ZNF639: variants seen among roughly 807,000 people sequenced by gnomAD.
ZNF639 encodes the protein zinc finger protein 639.
A neutral mutation model predicts 39.8 loss-of-function variants in ZNF639; 20 were observed. The observed-to-expected ratio is 0.50, with a 90% CI of 0.35 to 0.73. The LOEUF (loss-of-function observed/expected upper bound fraction) is 0.73, where lower values mean the gene tolerates loss of function less well. ZNF639 is among the 30% of genes least tolerant of loss of function. The pLI is 0.00. For synonymous variants in ZNF639, 176 were observed against 189.8 expected (o/e 0.93, Z 0.60); for missense variants, 477 against 566.2 (o/e 0.84, Z 1.60).
At chr3:179,326,111 A>C (rs1263664786) in intron 1 of ZNF639, among the ~76,000 whole-genome samples, 1 of 152,066 alleles carries the variant, frequency 6.6e-6, no homozygotes, top group Non-Finnish European at 1.5e-5. Context: ...TGGGCGGATC[A>C]CTTGAGGTCA....
At position 179,336,503 on chromosome 3, in the gene ZNF639, C is replaced by T. The variant is rs185824599; in HGVS notation, c.*2081C>T. 3 of 152,336 alleles carry T rather than the reference C, an allele frequency of 2.0e-5. No individual in the cohort carries two copies. The East Asian group carries it at 5.8e-4, about 29-fold the overall frequency. The allele number at this position is 152,336 out of a possible 1,614,324, so 9.4% of individuals were successfully genotyped here. On this transcript the variant is annotated 3_prime_UTR_variant, in exon 6 of 6. Transcript: ENST00000496856. Reference sequence around the variant, plus strand: ...GCATACCTGTGTTCCTAGCAACTCACATTCCATCTAATTATAACATTCCTG... The same window carrying T: ...GCATACCTGTGTTCCTAGCAACTCATATTCCATCTAATTATAACATTCCTG...
At position 179,333,574 on chromosome 3, in the gene ZNF639, T is replaced by G; in HGVS notation, c.610T>G (p.Tyr204Asp). The change falls in exon 6 of 6, where the codon TAT (tyrosine) becomes GAT (aspartate). Residue 204 changes from tyrosine to aspartate, a missense_variant. Tyr to Asp is a radical substitution (Grantham distance 160). Transcript: ENST00000496856. Reference sequence around the variant, plus strand: ...ACTGAGAGCTAATAGCAGTGGCCTCTATAAATGTGAACTTTGTGAGTTTAA... The same window carrying G: ...ACTGAGAGCTAATAGCAGTGGCCTCGATAAATGTGAACTTTGTGAGTTTAA... ...PLLRANSSGLYKCELCEFNSK... is the reference protein window; with the variant it reads ...PLLRANSSGLDKCELCEFNSK... 1 of 1,614,176 alleles carries G rather than the reference T, an allele frequency of 6.2e-7. No homozygotes were observed. The highest frequency in any genetic ancestry group is 8.5e-7 in the Non-Finnish European group (1 of 1,180,036).
intron 1 of ZNF639, among the ~76,000 whole-genome samples, 187 bp downstream of exon 1, chr3:179,323,478 G>T (rs935910993): frequency 1.1e-4 from 16 of 152,108 alleles, no homozygotes; most frequent in Non-Finnish European, 2.9e-5. Context: ...CACCCCCTGC[G>T]CAGGACGCCT....
At position 179,337,286 on chromosome 3, in the gene ZNF639, T is replaced by C. The variant is rs1711565204; in HGVS notation, c.*2864T>C. ...AAAAAAAAAAGAAAAGAAGAAAAGA[T>C]TGCAATGCAGCTACTCAAGAGACAT... On this transcript the variant is annotated 3_prime_UTR_variant, in exon 6 of 6. Coordinates refer to ENST00000496856, the MANE Select transcript of ZNF639 (RefSeq NM_001303426.2). 2 of 150,546 alleles carry C rather than the reference T, an allele frequency of 1.3e-5. No individual in the cohort carries two copies. Among genetic ancestry groups the C allele is most frequent in the South Asian group, 2.1e-4 (1 of 4,764 alleles). 9.3% of individuals were successfully genotyped at this position (150,546 alleles called of 1,614,324 possible).
chr3:179,323,506 GC>G (rs1727400342), intron 1 of ZNF639, among the ~76,000 whole-genome samples: 1 of 152,154 alleles, frequency 6.6e-6, no homozygotes, highest in African/African-American at 2.4e-5. Context: ...GCTCCCCTCG[GC>G]CCCCTGCTGC....
intron 1 of ZNF639, among the ~76,000 whole-genome samples, chr3:179,324,185 A>C (rs1039197509): frequency 6.6e-6 from 1 of 152,226 alleles, no homozygotes; most frequent in Non-Finnish European, 1.5e-5. Context: ...GACGTCTTAC[A>C]GCAATTAGGA....
In ZNF639 at chr3:179,333,556, G is replaced by C; in HGVS notation, c.592G>C (p.Ala198Pro). 1.2e-6 allele frequency: 2 copies of C among 1,614,116 alleles called. No individual in the cohort carries two copies. The highest frequency in any genetic ancestry group is 8.5e-7 in the Non-Finnish European group (1 of 1,180,034). Residue 198 changes from alanine to proline, a missense_variant, in exon 6 of 6, where the codon GCT (alanine) becomes CCT (proline). Transcript: ENST00000496856. ...CCAGCAGAAATGGCCTTTACTGAGA[G>C]CTAATAGCAGTGGCCTCTATAAATG... ...TAQQKWPLLR[A>P]NSSGLYKCEL... is the part of the protein sequence containing the mutation.
chr3:179,333,536 A>G lies in ZNF639; in HGVS notation c.572A>G (p.Gln191Arg). ...KSQALNVTAQ[Q>R]KWPLLRANSS... ...CAAGCTTTGAATGTGACTGCCCAGC[A>G]GAAATGGCCTTTACTGAGAGCTAAT... The change falls in exon 6 of 6, where the codon CAG becomes CGG. Residue 191 changes from glutamine (Q) to arginine (R), a missense_variant. Transcript: ENST00000496856. The G allele has an allele frequency of 1.2e-6, 2 of 1,614,200 alleles. No homozygotes were observed. The highest frequency in any genetic ancestry group is 1.3e-5 in the African/African-American group (1 of 75,074).
At chr3:179,326,845 C>G (rs1163750856) in intron 1 of ZNF639, among the ~76,000 whole-genome samples, 1 of 151,258 alleles carries the variant, frequency 6.6e-6, no homozygotes, top group African/African-American at 2.4e-5. Context: ...AGGCTGGTCT[C>G]GATCTTTTAT....
In ZNF639 at chr3:179,329,745, C is replaced by T. The variant is rs747211371; in HGVS notation, c.169+17C>T. 26 of 1,389,148 alleles carry T rather than the reference C, an allele frequency of 1.9e-5. No homozygotes were observed. The highest frequency in any genetic ancestry group is 7.2e-5 in the African/African-American group (5 of 68,972). 86.1% of individuals were successfully genotyped at this position (1,389,148 alleles called of 1,614,324 possible). A position where few individuals can be genotyped will look rare whatever the true frequency, so the allele number is the denominator to read the frequency against. On this transcript the variant is annotated intron_variant, in intron 4 of 5. Transcript: ENST00000496856. Reference sequence around the variant, plus strand: ...ACAACAAAGGTATATCTAATATTTTCGAAAATATGTTTCTTTAAACTGCTT... The same window carrying T: ...ACAACAAAGGTATATCTAATATTTTTGAAAATATGTTTCTTTAAACTGCTT...
At chr3:179,328,130 A>G in intron 2 of ZNF639, 153 bp from the exon 3 acceptor site, 1 of 480,080 alleles carries the variant, frequency 2.1e-6, no homozygotes, top group Non-Finnish European at 3.7e-6. Context: ...CTGAAATACA[A>G]ACAGAGGCAT....
chr3:179,333,195 T>C (rs1328299125), intron 5 of ZNF639, 72 bp downstream of exon 5: 2 of 1,539,686 alleles, frequency 1.3e-6, no homozygotes, highest in East Asian at 2.3e-5. Context: ...ATGCAATAAA[T>C]TTTTTTTTGC....
chr3:179,338,062 G>A lies in ZNF639; in HGVS notation c.*3640G>A, dbSNP rs748554557. 1 of 152,244 alleles carries A rather than the reference G, an allele frequency of 6.6e-6. No individual in the cohort carries two copies. Among genetic ancestry groups the A allele is most frequent in the Non-Finnish European group, 1.5e-5 (1 of 68,008 alleles). The allele number at this position is 152,244 out of a possible 1,614,324, so 9.4% of individuals were successfully genotyped here. A position where few individuals can be genotyped will look rare whatever the true frequency, so the allele number is the denominator to read the frequency against. On this transcript the variant is annotated 3_prime_UTR_variant, in exon 6 of 6. Coordinates refer to ENST00000496856, the MANE Select transcript of ZNF639 (RefSeq NM_001303426.2). ...TTACAGGCCTGAGCCACCACGCCCG[G>A]CCAGTCTTTATTTTTAACTTAAAGA...
chr3:179,328,317 A>G lies in ZNF639; in HGVS notation c.24A>G (p.Arg8=), dbSNP rs1727712440. MNEYPKK[R]KRKTLHPSRY... ...ATATGAATGAGTATCCTAAAAAAAG[A>G]AAAAGGAAGACTCTACACCCTTCTC... Residue 8 remains arginine, a synonymous_variant, in exon 3 of 6, where the codon AGA becomes AGG. Coordinates refer to ENST00000496856, the MANE Select transcript of ZNF639 (RefSeq NM_001303426.2). 2 of 1,587,202 alleles carry G rather than the reference A, an allele frequency of 1.3e-6. No homozygotes were observed. Among genetic ancestry groups the G allele is most frequent in the Non-Finnish European group, 1.7e-6 (2 of 1,167,430 alleles).
chr3:179,333,428 C>G lies in ZNF639; in HGVS notation c.464C>G (p.Thr155Arg), dbSNP rs754107801. 3 of 1,614,074 alleles carry G rather than the reference C, an allele frequency of 1.9e-6. No homozygotes were observed. In the East Asian group the frequency reaches 6.7e-5, roughly 36 times the overall value. The part of the protein sequence containing the change: ...HAISEDYDIE[T>R]ENNSSESLQD... ...ATTTCTGAGGATTATGATATAGAGA[C>G]AGAAAACAATTCCTCTGAGAGTCTC... The change falls in exon 6 of 6, where the codon ACA becomes AGA. Residue 155 changes from threonine to arginine, a missense_variant. By Grantham distance (71) the Thr-to-Arg change is moderately conservative. Transcript: ENST00000496856.
Position 179,337,807 on chromosome 3 carries a change from G to A in ZNF639, c.*3385G>A, listed in dbSNP as rs10460886. 27,012 of 151,900 alleles carry A rather than the reference G, an allele frequency of 0.18. 2,487 individuals carry two copies. Among genetic ancestry groups the A allele is most frequent in the Admixed American group, 0.24 (3,612 of 15,248 alleles). 9.4% of individuals were successfully genotyped at this position (151,900 alleles called of 1,614,324 possible). On this transcript the variant is annotated 3_prime_UTR_variant, in exon 6 of 6. Transcript: ENST00000496856. ...TTTTGAGATGGAGCCTTGCTCTGTC[G>A]CCCAGACTGGAATGCAGTGGCGTGA... is the stretch of plus-strand genomic sequence containing the variant.
intron 1 of ZNF639, among the ~76,000 whole-genome samples, chr3:179,326,485 A>C (rs1727599359): frequency 6.6e-6 from 1 of 152,222 alleles, no homozygotes; most frequent in South Asian, 2.1e-4. Flanking sequence ...AGGAACTATA[A>C]TTTTGAGAGG....
chr3:179,333,692 C>T lies in ZNF639; in HGVS notation c.728C>T (p.Ser243Phe). Residue 243 changes from serine to phenylalanine, a missense_variant, in exon 6 of 6, where the codon TCT becomes TTT. Ser to Phe is a radical substitution (Grantham distance 155). Transcript: ENST00000496856. ...TGTCGAGTATGCAAGGAAAGTTTCT[C>T]TACCAATATGCTTCTGATAGAACAT... Reference protein sequence around the residue: ...NVCRVCKESFSTNMLLIEHAK... With the variant: ...NVCRVCKESFFTNMLLIEHAK... 6.2e-7 allele frequency: 1 copy of T among 1,614,146 alleles called. No homozygotes were observed. Among genetic ancestry groups the T allele is most frequent in the Non-Finnish European group, 8.5e-7 (1 of 1,180,018 alleles).
intron 1 of ZNF639, among the ~76,000 whole-genome samples, chr3:179,327,238 C>T (rs748358723): frequency 6.2e-4 from 94 of 152,048 alleles, no homozygotes; most frequent in Non-Finnish European, 1.2e-3. Context: ...TGCTTGCTTT[C>T]CTTATGGATG....
Sources: gnomAD v4.1 joint callset for allele counts (sites outside exome capture counted in the v4.1 genomes callset) on GRCh38, gnomAD v4.1.1 for gene constraint, MANE v1.5 for transcripts, NCBI Gene and HGNC (gene_info 2026-07-23, HGNC 2026-07-21) for gene names.